Variants in ATP8A2 observed in about 807,000 individuals in gnomAD.
The protein encoded by ATP8A2 is phospholipid-transporting ATPase IB.
In ATP8A2, 100 loss-of-function variants were observed where a neutral mutation model predicts 165.6. That is an observed-to-expected ratio of 0.60 (90% CI 0.51 to 0.71). ATP8A2 has a LOEUF of 0.71. Ranked by LOEUF, ATP8A2 falls within the 30% of genes least tolerant of loss-of-function variation. The pLI is 0.00. For missense variants in ATP8A2, 1,227 were observed against 1,479.5 expected, an observed-to-expected ratio of 0.83 and a Z score of 2.80; for synonymous variants, 543 against 548.8, an observed-to-expected ratio of 0.99 and a Z score of 0.15.
chr13:25,922,577 G>A (rs1314747396), intron 33 of ATP8A2, among the ~76,000 whole-genome samples: 1 of 152,200 alleles, frequency 6.6e-6, no homozygotes, highest in Admixed American at 6.5e-5. Flanking sequence ...TGCACCTTCT[G>A]TAGAAGGCCA....
At chr13:25,856,431 A>T (rs990008036) in intron 30 of ATP8A2, among the ~76,000 whole-genome samples, 32 of 152,312 alleles carry the variant, frequency 2.1e-4, no homozygotes, top group African/African-American at 6.3e-4. Context: ...GAAATTCTTT[A>T]ATAGATACAA....
chr13:25,407,345 A>G (rs995465363), intron 1 of ATP8A2, among the ~76,000 whole-genome samples: 3 of 152,202 alleles, frequency 2.0e-5, no homozygotes, highest in Non-Finnish European at 4.4e-5. Context: ...TTTGCTCCCT[A>G]TGAAGACCCT....
intron 2 of ATP8A2, among the ~76,000 whole-genome samples, chr13:25,493,675 G>C (rs2036591467): frequency 6.6e-6 from 1 of 152,132 alleles, no homozygotes; most frequent in Non-Finnish European, 1.5e-5. Flanking sequence ...TCCAAGCTGG[G>C]GGTGAATTTG....
intron 23 of ATP8A2, among the ~76,000 whole-genome samples, chr13:25,587,242 G>C (rs1205600643): frequency 6.6e-6 from 1 of 152,120 alleles, no homozygotes; most frequent in Non-Finnish European, 1.5e-5. Flanking sequence ...CAATTAACTG[G>C]GTTAAACTTC....
chr13:25,485,271 A>T (rs1216934953), intron 2 of ATP8A2, among the ~76,000 whole-genome samples: 1 of 152,204 alleles, frequency 6.6e-6, no homozygotes, highest in Non-Finnish European at 1.5e-5. Flanking sequence ...AGTAATTTTA[A>T]GTACAGGATA....
intron 35 of ATP8A2, among the ~76,000 whole-genome samples, chr13:25,991,908 T>C (rs1956403864): frequency 8.8e-6 from 1 of 113,346 alleles, no homozygotes; most frequent in Admixed American, 1.2e-4. Context: ...GTTTTACTTT[T>C]AGGTTTTTTT....
At chr13:25,789,199 T>C (rs1180886116) in intron 27 of ATP8A2, among the ~76,000 whole-genome samples, 7 of 152,208 alleles carry the variant, frequency 4.6e-5, no homozygotes, top group Non-Finnish European at 1.0e-4. Context: ...TAAAATTCAG[T>C]ATAAAATAAT....
rs187424137 is a variant in ATP8A2 at position 25,519,276 on chromosome 13, C to T, written c.222-10723C>T. Among the ~76,000 whole-genome samples, 13 of 152,274 alleles carry T rather than the reference C, an allele frequency of 8.5e-5. No individual in the cohort carries two copies. In the East Asian group the frequency reaches 2.3e-3, roughly 27 times the overall value. On this transcript the variant is annotated intron_variant, in intron 2 of 36. Transcript: ENST00000381655. Reference sequence around the variant, plus strand: ...CCCTCGCCACTCTGTTGAAAATAATCCTCCTCCCAGCCCCAGCCAGTGTAC... The same window carrying T: ...CCCTCGCCACTCTGTTGAAAATAATTCTCCTCCCAGCCCCAGCCAGTGTAC...
intron 2 of ATP8A2, among the ~76,000 whole-genome samples, chr13:25,487,427 C>T (rs1454129725): frequency 1.3e-5 from 2 of 152,206 alleles, no homozygotes; most frequent in Non-Finnish European, 2.9e-5. Context: ...GAAGGCGGTC[C>T]TCATTTGTTG....
chr13:25,726,245 C>T (rs2043490976), intron 25 of ATP8A2, among the ~76,000 whole-genome samples: 1 of 152,160 alleles, frequency 6.6e-6, no homozygotes. Flanking sequence ...TAAAGTGTGG[C>T]TATAGCTACA....
chr13:25,983,163 G>C (rs1329693437), intron 35 of ATP8A2, among the ~76,000 whole-genome samples: 1 of 152,146 alleles, frequency 6.6e-6, no homozygotes, highest in African/African-American at 2.4e-5. Flanking sequence ...CTGTGTGTCT[G>C]CTTTGATTTT....
At chr13:25,490,745 GTTTGTTTGTTT>G (rs1342738863) in intron 2 of ATP8A2, among the ~76,000 whole-genome samples, 675 of 150,596 alleles carry the variant, frequency 4.5e-3, no homozygotes, top group African/African-American at 0.016. Context: ...TTGTTTGTTT[GTTTGTTTGTTT>G]TTTGTTTTTT....
chr13:25,414,858 CACCCCATA>C (rs1200663158), intron 1 of ATP8A2, among the ~76,000 whole-genome samples: 2 of 152,144 alleles, frequency 1.3e-5, no homozygotes, highest in African/African-American at 4.8e-5. Flanking sequence ...CTTTTGTGCT[CACCCCATA>C]ACCCAGCTAT....
At position 25,531,386 on chromosome 13, in the gene ATP8A2, ATATATATATGAT is replaced by A. The variant is rs1201592010; in HGVS notation, c.420+751_420+762del. Reference sequence around the variant, plus strand: ...ATGATATATATATGTTATATATATGATATATATATGATTATATATATGATTATATATATGATA... The same window carrying A: ...ATGATATATATATGTTATATATATGATATATATATGATTATATATATGATA... On this transcript the variant is annotated intron_variant, in intron 4 of 36. Transcript: ENST00000381655. Among the ~76,000 whole-genome samples the A allele has an allele frequency of 5.5e-4, 32 of 58,522 alleles. 1 individual carries two copies. The highest frequency in any genetic ancestry group is 7.4e-4 in the African/African-American group (6 of 8,136). 38.4% of individuals were successfully genotyped at this position (58,522 alleles called of 152,430 possible). A position where few individuals can be genotyped will look rare whatever the true frequency, so the allele number is the denominator to read the frequency against.
At chr13:25,429,495 G>T (rs907135207) in intron 1 of ATP8A2, among the ~76,000 whole-genome samples, 2 of 152,160 alleles carry the variant, frequency 1.3e-5, no homozygotes, top group East Asian at 1.9e-4. Context: ...CAGCTGGATG[G>T]CTGGGTGGGT....
In ATP8A2 at chr13:26,022,755, A is replaced by G. The variant is rs1018909108; in HGVS notation, c.*2770A>G. On this transcript the variant is annotated 3_prime_UTR_variant, in exon 37 of 37. Coordinates refer to ENST00000381655, the MANE Select transcript of ATP8A2 (RefSeq NM_016529.6). ...CCCCTGGGGCAGGGTGGACTGGACT[A>G]GGTTGCATACGCTGGCTGTCAGCTC... The G allele has an allele frequency of 1.3e-5, 2 of 152,268 alleles. No homozygotes were observed. Among genetic ancestry groups the G allele is most frequent in the African/African-American group, 4.8e-5 (2 of 41,452 alleles). The allele number at this position is 152,268 out of a possible 1,614,324, so 9.4% of individuals were successfully genotyped here.
intron 24 of ATP8A2, among the ~76,000 whole-genome samples, chr13:25,681,616 A>G (rs1249136547): frequency 6.6e-6 from 1 of 152,208 alleles, no homozygotes; most frequent in Non-Finnish European, 1.5e-5. Flanking sequence ...ATAACAAAAA[A>G]TGGCTCCTGG....
chr13:25,872,260 T>C (rs561582768), intron 33 of ATP8A2, among the ~76,000 whole-genome samples: 5 of 152,182 alleles, frequency 3.3e-5, no homozygotes, highest in African/African-American at 9.6e-5. Context: ...AATTGGGGGA[T>C]GGAGCTCTTT....
intron 35 of ATP8A2, among the ~76,000 whole-genome samples, chr13:26,011,136 AG>A (rs1462257968): frequency 6.6e-6 from 1 of 152,180 alleles, no homozygotes; most frequent in Non-Finnish European, 1.5e-5. Context: ...CACAAACGTA[AG>A]GGGGGTCTGT....
Sources: gnomAD v4.1 joint callset for allele counts (sites outside exome capture counted in the v4.1 genomes callset) on GRCh38, gnomAD v4.1.1 for gene constraint, MANE v1.5 for transcripts, NCBI Gene and HGNC (gene_info 2026-07-23, HGNC 2026-07-21) for gene names.